BIK: variants seen among roughly 807,000 people sequenced by gnomAD.
BIK encodes BCL2 interacting killer.
Under a neutral mutation model 12.1 loss-of-function variants are expected in BIK, and 14 were observed. That is an observed-to-expected ratio of 1.16 (90% CI 0.77 to 1.81). The LOEUF (loss-of-function observed/expected upper bound fraction) is 1.81. Ranked by LOEUF, BIK falls within the 40% of genes most tolerant of loss-of-function variation. The pLI, the probability that BIK is intolerant of heterozygous loss-of-function variation, is 0.00. For synonymous variants in BIK, 86 were observed against 92.3 expected, an observed-to-expected ratio of 0.93 and a Z score of 0.39; for missense variants, 215 against 207.9, an observed-to-expected ratio of 1.03 and a Z score of -0.21.
chr22:43,126,900 A>G (rs1471854747), intron 2 of BIK, among the ~76,000 whole-genome samples: 2 of 151,792 alleles, frequency 1.3e-5, no homozygotes, highest in African/African-American at 4.8e-5. Flanking sequence ...CATCCCCTCC[A>G]AGTAGGGAGT....
rs569398327 is a variant in BIK, at chr22:43,128,149, C to T, written c.261-347C>T. Among the ~76,000 whole-genome samples, 9 of 151,348 alleles carry T rather than the reference C, an allele frequency of 5.9e-5. No homozygotes were observed. In the South Asian group the frequency reaches 8.4e-4, roughly 14 times the overall value. ...AGATCCTGGGGGCTGGGCCTCTCAG[C>T]GAGTCTCCGGTGGGGGAATAGAGTG... On this transcript the variant is annotated intron_variant, in intron 3 of 4. Coordinates refer to ENST00000216115, the MANE Select transcript of BIK (RefSeq NM_001197.5).
intron 1 of BIK, among the ~76,000 whole-genome samples, chr22:43,119,106 CTT>C (rs1930172080): frequency 1.3e-5 from 2 of 151,674 alleles, no homozygotes; most frequent in East Asian, 3.9e-4. Context: ...GTGTGGTACT[CTT>C]TTCTGCACAT....
chr22:43,129,471 G>GGT lies in BIK; in HGVS notation c.*166_*167insGT. On this transcript the variant is annotated 3_prime_UTR_variant, in exon 5 of 5. Transcript: ENST00000216115. Reference sequence around the variant, plus strand: ...CTGAGGTTTTATACTCAGGTTTTTTGTTTTTTTTTTATTCCAGTTTTCGTT... The same window carrying GGT: ...CTGAGGTTTTATACTCAGGTTTTTTGGTTTTTTTTTTTATTCCAGTTTTCGTT... 1.9e-6 allele frequency: 2 copies of GGT among 1,057,320 alleles called. No homozygotes were observed. Among genetic ancestry groups the GGT allele is most frequent in the African/African-American group, 3.5e-5 (2 of 57,834 alleles). 65.5% of individuals were successfully genotyped at this position (1,057,320 alleles called of 1,614,324 possible).
chr22:43,119,003 C>T (rs1462223017), intron 1 of BIK, among the ~76,000 whole-genome samples: 2 of 151,974 alleles, frequency 1.3e-5, no homozygotes, highest in South Asian at 2.1e-4. Context: ...GGCGAGCTGT[C>T]GAGTGCAGAG....
intron 1 of BIK, among the ~76,000 whole-genome samples, chr22:43,118,717 T>C (rs763440241): frequency 1.3e-5 from 2 of 152,052 alleles, no homozygotes; most frequent in African/African-American, 2.4e-5. Flanking sequence ...TTTGCCTGCC[T>C]GTGAAACAGG....
Position 43,129,449 on chromosome 22 carries a change from A to T in BIK, c.*144A>T. ...CCGAGATAGTGCTGGAACACTGCTG[A>T]GGTTTTATACTCAGGTTTTTTGTTT... On this transcript the variant is annotated 3_prime_UTR_variant, in exon 5 of 5. Transcript: ENST00000216115. 1 of 1,312,246 alleles carries T rather than the reference A, an allele frequency of 7.6e-7. No homozygotes were observed. The highest frequency in any genetic ancestry group is 1.0e-6 in the Non-Finnish European group (1 of 990,176). 81.3% of individuals were successfully genotyped at this position (1,312,246 alleles called of 1,614,324 possible).
At chr22:43,115,760 G>T (rs144397612) in intron 1 of BIK, among the ~76,000 whole-genome samples, 310 of 151,966 alleles carry the variant, frequency 2.0e-3, no homozygotes, top group African/African-American at 6.4e-3. Context: ...ACCGCGTCTG[G>T]CCTATTTTTT....
intron 2 of BIK, among the ~76,000 whole-genome samples, chr22:43,127,450 G>C (rs735573): frequency 0.044 from 6,630 of 152,284 alleles, 475 homozygotes; most frequent in African/African-American, 0.15. Flanking sequence ...CCTGCCCCAG[G>C]ATTCTTTTTG....
intron 1 of BIK, among the ~76,000 whole-genome samples, chr22:43,114,754 G>A (rs958734416): frequency 1.3e-5 from 2 of 152,250 alleles, no homozygotes; most frequent in Non-Finnish European, 2.9e-5. Flanking sequence ...CGGACCGTGA[G>A]GTGGTCAGCA....
intron 2 of BIK, 149 bp downstream of exon 2, chr22:43,124,332 G>A: frequency 1.0e-6 from 1 of 997,078 alleles, no homozygotes; most frequent in Non-Finnish European, 1.5e-6. Context: ...TGGGCATGGA[G>A]GCTTCTGCCC....
At chr22:43,113,138 A>G (rs1248243403) in intron 1 of BIK, among the ~76,000 whole-genome samples, 3 of 152,182 alleles carry the variant, frequency 2.0e-5, no homozygotes, top group Admixed American at 2.0e-4. Context: ...TGGGAGGCAG[A>G]GGTTGCACTG....
chr22:43,119,307 A>T (rs1930175711), intron 1 of BIK, among the ~76,000 whole-genome samples: 1 of 152,032 alleles, frequency 6.6e-6, no homozygotes, highest in South Asian at 2.1e-4. Flanking sequence ...AAAAAAAAAG[A>T]TAATAAAAAC....
Position 43,129,238 on chromosome 22 carries a change from C to CGCT in BIK, c.430_432dup (p.Leu144dup), listed in dbSNP as rs746935217. On this transcript the variant is annotated inframe_insertion, in exon 5 of 5. Coordinates refer to ENST00000216115, the MANE Select transcript of BIK (RefSeq NM_001197.5). ...GTGTCCTGCGAACAGGTGCTGCTGG[C>CGCT]GCTGCTGCTGCTGCTGGCGCTGCTG... 2.6e-4 allele frequency: 413 copies of CGCT among 1,585,914 alleles called. 1 individual carries two copies. The South Asian group carries it at 2.8e-3, about 11-fold the overall frequency.
chr22:43,117,784 C>T (rs1930146214), intron 1 of BIK, among the ~76,000 whole-genome samples: 1 of 151,996 alleles, frequency 6.6e-6, no homozygotes, highest in Admixed American at 6.6e-5. Context: ...GATTCTCCTG[C>T]CTCAGCCACC....
chr22:43,113,049 CAA>C (rs1484010451), intron 1 of BIK, among the ~76,000 whole-genome samples: 1 of 151,770 alleles, frequency 6.6e-6, no homozygotes, highest in Non-Finnish European at 1.5e-5. Flanking sequence ...TTTAAAAATG[CAA>C]AAATTAGCCG....
chr22:43,118,972 C>G (rs1930169881), intron 1 of BIK, among the ~76,000 whole-genome samples: 1 of 152,008 alleles, frequency 6.6e-6, no homozygotes, highest in Admixed American at 6.6e-5. Context: ...TGGCGTTTCC[C>G]CATCTTCCAG....
chr22:43,115,142 T>C (rs1187811259), intron 1 of BIK, among the ~76,000 whole-genome samples: 3 of 152,136 alleles, frequency 2.0e-5, no homozygotes, highest in African/African-American at 7.2e-5. Flanking sequence ...ATGGGCTGAG[T>C]GCCCAATCCA....
chr22:43,120,506 A>T (rs768960335), intron 1 of BIK, among the ~76,000 whole-genome samples: 1 of 152,220 alleles, frequency 6.6e-6, no homozygotes, highest in Non-Finnish European at 1.5e-5. Context: ...AGGGAGCCGA[A>T]CAGAGCAGTG....
In BIK at chr22:43,111,890, G is replaced by C. The variant is rs530848663; in HGVS notation, c.-8+1087G>C. Among the ~76,000 whole-genome samples the C allele has an allele frequency of 1.9e-4, 29 of 152,274 alleles. No individual in the cohort carries two copies. The South Asian group carries it at 6.0e-3, about 32-fold the overall frequency. ...CTCATCTTCCAGGTGGAGAAACAGA[G>C]ATTTCAGTCCCAGGAGGCACAGAAA... On this transcript the variant is annotated intron_variant, in intron 1 of 4. Transcript: ENST00000216115.
Sources: gnomAD v4.1 joint callset for allele counts (sites outside exome capture counted in the v4.1 genomes callset) on GRCh38, gnomAD v4.1.1 for gene constraint, MANE v1.5 for transcripts, NCBI Gene and HGNC (gene_info 2026-07-23, HGNC 2026-07-21) for gene names.